Variants in POLR1B observed in about 807,000 individuals in gnomAD.
The protein encoded by POLR1B is DNA-directed RNA polymerase I subunit RPA2.
POLR1B carries 30 observed loss-of-function variants against 105.8 expected under a neutral mutation model. The ratio of observed to expected loss-of-function variants is 0.28; its 90% CI spans 0.21 to 0.38. The LOEUF is 0.38. Ranked by LOEUF, POLR1B falls within the 10% of genes least tolerant of loss-of-function variation. The pLI is 1.00. For missense variants in POLR1B, 976 were observed against 1,435.8 expected (o/e 0.68, Z 5.17); for synonymous variants, 485 against 505.1 (o/e 0.96, Z 0.53).
Position 112,568,078 on chromosome 2 carries a change from G to T in POLR1B, c.1858G>T (p.Val620Leu), listed in dbSNP as rs199933309. The change falls in exon 11 of 15, where the codon GTA becomes TTA. Residue 620 changes from valine (V) to leucine (L), a missense_variant. This residue lies in a region of POLR1B where 184 missense variants were observed against 197.4 expected (regional missense o/e 0.93). Coordinates refer to ENST00000263331, the MANE Select transcript of POLR1B (RefSeq NM_019014.6). ...LFLFTTPCRL[V>L]RPVQNLALGK... ...CCTTTTTACCACTCCTTGTAGACTG[G>T]TACGGCCTGTGCAGAACTTAGCATT... is the stretch of plus-strand genomic sequence containing the variant. 1 of 1,614,166 alleles carries T rather than the reference G, an allele frequency of 6.2e-7. No homozygotes were observed. The highest frequency in any genetic ancestry group is 8.5e-7 in the Non-Finnish European group (1 of 1,180,024).
intron 1 of POLR1B, among the ~76,000 whole-genome samples, chr2:112,543,081 C>G (rs4849073): frequency 0.54 from 82,638 of 152,052 alleles, 22,756 homozygotes; most frequent in Middle Eastern, 0.68. Flanking sequence ...CCTTCAGTTT[C>G]CTTCTCTTAG....
chr2:112,551,902 A>T lies in POLR1B; in HGVS notation c.890A>T (p.Gln297Leu). Residue 297 changes from glutamine (Q) to leucine (L), a missense_variant, in exon 6 of 15, where the codon CAA becomes CTA. By Grantham distance (113) the Gln-to-Leu change is moderately radical (BLOSUM62 -2). This residue lies in a region of POLR1B where 452 missense variants were observed against 616.5 expected (regional missense o/e 0.73). Coordinates refer to ENST00000263331, the MANE Select transcript of POLR1B (RefSeq NM_019014.6). ...RIVMEEGCST[Q>L]KQVLNYLGEC... ...GTAATGGAAGAGGGTTGTTCGACAC[A>T]AAAACAGGTCCTTAACTACCTAGGT... 1.2e-6 allele frequency: 2 copies of T among 1,613,984 alleles called. No individual in the cohort carries two copies. Among genetic ancestry groups the T allele is most frequent in the Non-Finnish European group, 1.7e-6 (2 of 1,179,868 alleles).
At position 112,577,315 on chromosome 2, in the gene POLR1B, AG is replaced by A. The variant is rs1684915052; in HGVS notation, c.*1588del. On this transcript the variant is annotated 3_prime_UTR_variant, in exon 15 of 15. Coordinates refer to ENST00000263331, the MANE Select transcript of POLR1B (RefSeq NM_019014.6). ...TCCCAACATTTTAGGAGGCCTAGGC[AG>A]GAGCAATCACTTGTGCCTGGGAGTT... Among the ~76,000 whole-genome samples, 2 of 152,332 alleles carry A rather than the reference AG, an allele frequency of 1.3e-5. No homozygotes were observed. The highest frequency in any genetic ancestry group is 4.1e-4 in the South Asian group (2 of 4,828).
At position 112,573,544 on chromosome 2, in the gene POLR1B, G is replaced by T. The variant is rs150003275; in HGVS notation, c.2272-18G>T. 5 of 1,600,990 alleles carry T rather than the reference G, an allele frequency of 3.1e-6. No individual in the cohort carries two copies. ...CCTCAATTGGCCTCAGTCTTTTAAC[G>T]ATTCTTTTACTTCACAGATTGTGAA... On this transcript the variant is annotated intron_variant, in intron 13 of 14. Coordinates refer to ENST00000263331, the MANE Select transcript of POLR1B (RefSeq NM_019014.6).
Position 112,550,750 on chromosome 2 carries a change from A to C in POLR1B, c.626-116A>C, listed in dbSNP as rs116213455. 5.2e-4 allele frequency: 563 copies of C among 1,090,790 alleles called. 1 individual carries two copies. The African/African-American group carries it at 6.6e-3, about 13-fold the overall frequency. 67.6% of individuals were successfully genotyped at this position (1,090,790 alleles called of 1,614,324 possible). On this transcript the variant is annotated intron_variant, in intron 4 of 14. Transcript: ENST00000263331. ...CATTTTTGATTGCCAGTCTTGGCTA[A>C]ACTTAGTGATTTGGCTTTAATTGTG...
At chr2:112,566,052 G>A (rs879575563) in intron 10 of POLR1B, among the ~76,000 whole-genome samples, 4 of 152,206 alleles carry the variant, frequency 2.6e-5, no homozygotes, top group Admixed American at 1.3e-4. Flanking sequence ...TAGAGGTGGG[G>A]TTTCACCATT....
At chr2:112,549,818 T>G (rs1305504205) in intron 4 of POLR1B, among the ~76,000 whole-genome samples, 3 of 152,162 alleles carry the variant, frequency 2.0e-5, no homozygotes, top group Non-Finnish European at 4.4e-5. Context: ...TGCTTAAAAT[T>G]GATGAGTACA....
At chr2:112,574,818 T>C in intron 14 of POLR1B, 29 bp from the exon 15 acceptor site, 3 of 1,560,418 alleles carry the variant, frequency 1.9e-6, no homozygotes, top group Non-Finnish European at 2.6e-6. Flanking sequence ...AACAAATAGG[T>C]TGACCTTATA....
chr2:112,547,882 A>G (rs900645885), intron 3 of POLR1B, among the ~76,000 whole-genome samples: 11 of 151,490 alleles, frequency 7.3e-5, no homozygotes, highest in Middle Eastern at 6.8e-3. Context: ...CCACAAAGCT[A>G]TTGTCAAAAA....
At chr2:112,542,304 A>C, upstream of POLR1B, 1 of 1,528,488 alleles carries the variant, frequency 6.5e-7, no homozygotes, top group Non-Finnish European at 8.8e-7. Flanking sequence ...CGGCCCGTTC[A>C]CTCGACGTTT....
At chr2:112,560,232 G>T (rs1683904108) in intron 9 of POLR1B, among the ~76,000 whole-genome samples, 1 of 152,084 alleles carries the variant, frequency 6.6e-6, no homozygotes, top group Non-Finnish European at 1.5e-5. Flanking sequence ...GAGAAAGTGA[G>T]ATCCTATCTC....
chr2:112,551,988 T>G lies in POLR1B; in HGVS notation c.976T>G (p.Phe326Val). 6.2e-7 allele frequency: 1 copy of G among 1,613,792 alleles called. No individual in the cohort carries two copies. The highest frequency in any genetic ancestry group is 8.5e-7 in the Non-Finnish European group (1 of 1,179,738). The change falls in exon 6 of 15, where the codon TTC (phenylalanine) becomes GTC (valine). Residue 326 changes from phenylalanine (F) to valine (V), a missense_variant. Transcript: ENST00000263331. The stretch of plus-strand genomic sequence containing the variant: ...GTACCCAAATGAGCAAGCTGCGGAG[T>G]TCCTGTTTAAGTATGTGTGCTTTGT... ...DWYPNEQAAE[F>V]LFNQCICIHL...
intron 4 of POLR1B, among the ~76,000 whole-genome samples, chr2:112,550,107 G>T (rs1574096019): frequency 6.6e-6 from 1 of 152,178 alleles, no homozygotes. Flanking sequence ...CTGTCTTCTG[G>T]TTCAGGCTGC....
rs1349165708 is a variant in POLR1B, at chr2:112,551,718, A to G, written c.763-57A>G. The G allele has an allele frequency of 1.1e-5, 15 of 1,358,710 alleles. 2 individuals are homozygous for G. The Middle Eastern group carries it at 6.2e-4, about 56-fold the overall frequency. 84.2% of individuals were successfully genotyped at this position (1,358,710 alleles called of 1,614,324 possible). On this transcript the variant is annotated intron_variant, in intron 5 of 14. Coordinates refer to ENST00000263331, the MANE Select transcript of POLR1B (RefSeq NM_019014.6). ...AATGAGAGAAGATAATTATTAGTGA[A>G]TAGATAAAGTATTTTAGTTATTAGT...
At chr2:112,571,529 T>C (rs1308923196) in intron 12 of POLR1B, among the ~76,000 whole-genome samples, 1 of 152,226 alleles carries the variant, frequency 6.6e-6, no homozygotes, top group African/African-American at 2.4e-5. Flanking sequence ...GGTACTTAAC[T>C]TGGTGAACGT....
At position 112,550,887 on chromosome 2, in the gene POLR1B, G is replaced by A. The variant is rs758046351; in HGVS notation, c.647G>A (p.Arg216Lys). Residue 216 changes from arginine (R) to lysine (K), a missense_variant, in exon 5 of 15, where the codon AGG becomes AAG. Transcript: ENST00000263331. ...ATAGGAGTTTCAATGCACTGTGTGA[G>A]GGAAGAACATTCCGCTGTCAATATG... The part of the protein sequence containing the change: ...TQYGVSMHCV[R>K]EEHSAVNMNL... The A allele has an allele frequency of 6.2e-7, 1 of 1,614,120 alleles. No individual in the cohort carries two copies. The highest frequency in any genetic ancestry group is 1.1e-5 in the South Asian group (1 of 91,078).
intron 7 of POLR1B, 132 bp from the exon 8 acceptor site, chr2:112,557,778 G>A (rs1683742660): frequency 7.2e-6 from 1 of 139,462 alleles, no homozygotes; most frequent in African/African-American, 3.7e-5. Context: ...ACAGGGTTTT[G>A]TTTCACCATT....
Position 112,564,381 on chromosome 2 carries a change from A to G in POLR1B, c.1628A>G (p.Asp543Gly), listed in dbSNP as rs750481846. 4 of 1,614,126 alleles carry G rather than the reference A, an allele frequency of 2.5e-6. No homozygotes were observed. Among genetic ancestry groups the G allele is most frequent in the Admixed American group, 3.3e-5 (2 of 60,026 alleles). The change falls in exon 10 of 15, where the codon GAT becomes GGT. Residue 543 changes from aspartate (D) to glycine (G), a missense_variant. Around this residue, in one of 12 missense-constraint regions of POLR1B, gnomAD observed 184 missense variants for 197.4 expected, o/e 0.93. Transcript: ENST00000263331. ...CCTTTACCAGGGGTCACTCCCATTG[A>G]TGGAGCTCCCCACCGATCATACAGT... ...LLCNLGVTPI[D>G]GAPHRSYSEC...
intron 13 of POLR1B, among the ~76,000 whole-genome samples, chr2:112,572,964 T>G (rs1684668004): frequency 6.6e-6 from 1 of 152,240 alleles, no homozygotes; most frequent in South Asian, 2.1e-4. Flanking sequence ...ACGTATGTCT[T>G]GCATATTTGA....
Sources: gnomAD v4.1 joint callset for allele counts (sites outside exome capture counted in the v4.1 genomes callset) on GRCh38, gnomAD v4.1.1 for gene constraint, gnomAD v4.1.1 regional missense constraint, MANE v1.5 for transcripts, NCBI Gene and HGNC (gene_info 2026-07-23, HGNC 2026-07-21) for gene names.